The following ZNRF1 variants were observed in gnomAD, a reference collection of about 807,000 sequenced individuals.
ZNRF1 encodes E3 ubiquitin-protein ligase ZNRF1.
A neutral mutation model predicts 18.4 loss-of-function variants in ZNRF1; 3 were observed. That is an observed-to-expected ratio of 0.16 (90% CI 0.07 to 0.42). ZNRF1 has a LOEUF of 0.42. ZNRF1 is among the 10% of genes least tolerant of loss of function. ZNRF1 has a pLI of 0.99. For synonymous variants in ZNRF1, 157 were observed against 144.2 expected (o/e 1.09, Z -0.64); for missense variants, 310 against 329.8 (o/e 0.94, Z 0.47).
At chr16:75,007,869 T>C (rs114365778) in intron 1 of ZNRF1, among the ~76,000 whole-genome samples, 1 of 152,130 alleles carries the variant, frequency 6.6e-6, no homozygotes, top group Non-Finnish European at 1.5e-5. Flanking sequence ...TGTTTTTTCT[T>C]CTTATTTTTC....
chr16:75,105,150 C>G (rs924475275), intron 3 of ZNRF1: 1 of 399,550 alleles, frequency 2.5e-6, no homozygotes, highest in Non-Finnish European at 4.7e-6. Flanking sequence ...ATGGGGAGAC[C>G]CGTAGAGCCT....
At chr16:75,107,480 G>T in intron 4 of ZNRF1, 1 of 324,188 alleles carries the variant, frequency 3.1e-6, no homozygotes, top group Non-Finnish European at 6.1e-6. Context: ...AGACAAATCA[G>T]GGACATTTGC....
At chr16:75,081,992 G>C (rs1309895994) in intron 1 of ZNRF1, among the ~76,000 whole-genome samples, 1 of 152,202 alleles carries the variant, frequency 6.6e-6, no homozygotes, top group Non-Finnish European at 1.5e-5. Context: ...TTCTTAGACA[G>C]TAGTTGGGGA....
intron 1 of ZNRF1, among the ~76,000 whole-genome samples, chr16:75,081,426 T>C (rs1374993933): frequency 4.6e-5 from 7 of 152,210 alleles, no homozygotes; most frequent in Non-Finnish European, 1.0e-4. Flanking sequence ...ACTGCCTGTT[T>C]TACCTAGAGA....
At chr16:75,070,824 G>A (rs937977226) in intron 1 of ZNRF1, among the ~76,000 whole-genome samples, 2 of 152,202 alleles carry the variant, frequency 1.3e-5, no homozygotes, top group African/African-American at 4.8e-5. Context: ...CACATCATGT[G>A]TGGGAGCCGC....
chr16:75,068,953 G>A (rs2035836317), intron 1 of ZNRF1, among the ~76,000 whole-genome samples: 1 of 151,760 alleles, frequency 6.6e-6, no homozygotes, highest in South Asian at 2.1e-4. Flanking sequence ...AAAATTCGAG[G>A]GTCCCACCCC....
chr16:75,045,716 CTTTT>C (rs895489865), intron 1 of ZNRF1, among the ~76,000 whole-genome samples: 1 of 130,372 alleles, frequency 7.7e-6, no homozygotes, highest in South Asian at 2.5e-4. Context: ...TCTTCTTCGT[CTTTT>C]TTTTTTTTTT....
chr16:75,010,127 C>T (rs756001233), intron 1 of ZNRF1, among the ~76,000 whole-genome samples: 16 of 152,060 alleles, frequency 1.1e-4, no homozygotes, highest in Middle Eastern at 3.4e-3. Context: ...GGATTATAGG[C>T]GCCTACCATC....
chr16:75,100,646 A>G (rs1456067130), intron 2 of ZNRF1, among the ~76,000 whole-genome samples: 2 of 152,204 alleles, frequency 1.3e-5, no homozygotes, highest in Non-Finnish European at 1.5e-5. Flanking sequence ...TGAGTTACCA[A>G]TCAGTAGGAG....
chr16:75,023,273 A>G (rs972768580), intron 1 of ZNRF1, among the ~76,000 whole-genome samples: 4 of 152,136 alleles, frequency 2.6e-5, no homozygotes, highest in African/African-American at 9.7e-5. Context: ...AGAACAGTTA[A>G]AGATTCTCAA....
At chr16:75,047,577 T>C (rs1363744652) in intron 1 of ZNRF1, among the ~76,000 whole-genome samples, 1 of 152,252 alleles carries the variant, frequency 6.6e-6, no homozygotes. Flanking sequence ...GTTATTGGCA[T>C]GTGGAGGAGT....
chr16:75,064,902 A>T (rs1430918929), intron 1 of ZNRF1, among the ~76,000 whole-genome samples: 1 of 152,206 alleles, frequency 6.6e-6, no homozygotes, highest in East Asian at 1.9e-4. Context: ...CTGCTCCCTC[A>T]GCAGTGCATG....
At chr16:75,030,226 A>T (rs183538758) in intron 1 of ZNRF1, among the ~76,000 whole-genome samples, 5 of 152,210 alleles carry the variant, frequency 3.3e-5, no homozygotes, top group African/African-American at 1.2e-4. Flanking sequence ...ACATGCATCT[A>T]TGGTCAACTG....
intron 1 of ZNRF1, among the ~76,000 whole-genome samples, chr16:75,064,556 C>T (rs553824710): frequency 6.9e-6 from 1 of 144,768 alleles, no homozygotes; most frequent in Non-Finnish European, 1.5e-5. Context: ...ACTCAGTCTC[C>T]GAGGGAAAAA....
intron 1 of ZNRF1, among the ~76,000 whole-genome samples, chr16:75,051,610 C>T (rs572913394): frequency 8.6e-5 from 13 of 152,024 alleles, no homozygotes; most frequent in African/African-American, 2.4e-4. Flanking sequence ...CTCTACCTCC[C>T]GGGTTCAAGC....
At position 75,000,111 on chromosome 16, in the gene ZNRF1, G is replaced by T; in HGVS notation, c.424+16G>T. ...TCGCATAGTGGTGAGTCCGCGGGTG[G>T]TGGAGGCCTCGGAGGGAGGGCGCGC... On this transcript the variant is annotated intron_variant, in intron 1 of 4. Transcript: ENST00000335325. 2 of 1,593,364 alleles carry T rather than the reference G, an allele frequency of 1.3e-6. No individual in the cohort carries two copies. Among genetic ancestry groups the T allele is most frequent in the South Asian group, 1.1e-5 (1 of 87,548 alleles).
At chr16:75,006,933 T>G (rs1253247562) in intron 1 of ZNRF1, among the ~76,000 whole-genome samples, 3 of 152,194 alleles carry the variant, frequency 2.0e-5, no homozygotes, top group Non-Finnish European at 4.4e-5. Context: ...GGTTTATCCT[T>G]GAATCCAGCA....
chr16:75,011,994 C>A (rs1005349841), intron 1 of ZNRF1, among the ~76,000 whole-genome samples: 1 of 152,088 alleles, frequency 6.6e-6, no homozygotes, highest in African/African-American at 2.4e-5. Flanking sequence ...TTTAATGAAA[C>A]AGTGTGAGTC....
At chr16:75,036,396 G>T (rs1211471684) in intron 1 of ZNRF1, among the ~76,000 whole-genome samples, 1 of 152,066 alleles carries the variant, frequency 6.6e-6, no homozygotes, top group East Asian at 1.9e-4. Context: ...CTCCCAAAGT[G>T]CTGAGATTAC....
Sources: allele counts gnomAD v4.1 joint callset (sites outside exome capture counted in the v4.1 genomes callset), GRCh38; gene constraint gnomAD v4.1.1; transcripts MANE v1.5; gene names NCBI Gene and HGNC (gene_info 2026-07-23, HGNC 2026-07-21).